Variants in CBLB observed in about 807,000 individuals in gnomAD.
CBLB encodes Cbl proto-oncogene B, also known as E3 ubiquitin-protein ligase CBL-B.
Under a neutral mutation model 104.9 loss-of-function variants are expected in CBLB, and 31 were observed. That is an observed-to-expected ratio of 0.30 (90% CI 0.22 to 0.40). The LOEUF is 0.40. Among genes scored for constraint, CBLB ranks in the 10% least tolerant of loss-of-function variants. The pLI is 1.00. For synonymous variants in CBLB, 440 were observed against 422.6 expected (o/e 1.04, Z -0.51); for missense variants, 1,062 against 1,214.6 (o/e 0.87, Z 1.87).
intron 9 of CBLB, chr3:105,723,952 T>C (rs985839351): frequency 6.4e-6 from 1 of 156,108 alleles, no homozygotes; most frequent in Non-Finnish European, 1.4e-5. Flanking sequence ...TTGGAGTGCA[T>C]TTTATATTTT....
intron 13 of CBLB, among the ~76,000 whole-genome samples, chr3:105,690,811 G>A (rs1397587616): frequency 7.1e-6 from 1 of 141,796 alleles, no homozygotes; most frequent in African/African-American, 2.6e-5. Context: ...GACAGAGTGA[G>A]ACTCCATCTC....
chr3:105,837,198 G>A (rs1192830926), intron 3 of CBLB, among the ~76,000 whole-genome samples: 4 of 152,194 alleles, frequency 2.6e-5, no homozygotes, highest in East Asian at 3.8e-4. Context: ...CATTGTGCAC[G>A]CGTATTAATG....
intron 4 of CBLB, among the ~76,000 whole-genome samples, chr3:105,767,277 C>A (rs2078326340): frequency 6.6e-6 from 1 of 151,798 alleles, no homozygotes; most frequent in African/African-American, 2.4e-5. Context: ...TTTTCTTTAC[C>A]TAGAGGGAAA....
chr3:105,803,091 CAT>C (rs2083086345), intron 3 of CBLB, among the ~76,000 whole-genome samples: 1 of 152,174 alleles, frequency 6.6e-6, no homozygotes, highest in Non-Finnish European at 1.5e-5. Context: ...AGCACTCATG[CAT>C]AGTCATTTTA....
At position 105,867,434 on chromosome 3, in the gene CBLB, C is replaced by G; in HGVS notation, c.144G>C (p.Lys48Asn). ...CCACTTTGTCCATGAGCTTCCAAGT[C>G]TTCTCCACGGTCCTGCGATCTGCGG... ...QAAADRRTVE[K>N]TWKLMDKVVR... Residue 48 changes from lysine to asparagine, a missense_variant, in exon 2 of 19, where the codon AAG becomes AAC. This residue lies in a region of CBLB where 457 missense variants were observed against 632.0 expected (regional missense o/e 0.72). Transcript: ENST00000394030. The G allele has an allele frequency of 3.7e-6, 6 of 1,614,190 alleles. No individual in the cohort carries two copies. The highest frequency in any genetic ancestry group is 5.1e-6 in the Non-Finnish European group (6 of 1,180,012).
At chr3:105,706,196 C>T (rs1051750344) in intron 10 of CBLB, among the ~76,000 whole-genome samples, 3 of 151,960 alleles carry the variant, frequency 2.0e-5, no homozygotes, top group African/African-American at 7.2e-5. Flanking sequence ...ACTATACCTC[C>T]GATATGCCTG....
rs367966052 is a variant in CBLB, at chr3:105,806,479, C to CAAAAAAAAAAAAAAAAAAAA, written c.420-29938_420-29937insTTTTTTTTTTTTTTTTTTTT. Among the ~76,000 whole-genome samples the CAAAAAAAAAAAAAAAAAAAA allele has an allele frequency of 3.2e-5, 4 of 125,058 alleles. 1 individual carries two copies. Among genetic ancestry groups the CAAAAAAAAAAAAAAAAAAAA allele is most frequent in the African/African-American group, 3.0e-5 (1 of 33,094 alleles). 82.0% of individuals were successfully genotyped at this position (125,058 alleles called of 152,430 possible). A position where few individuals can be genotyped will look rare whatever the true frequency, so the allele number is the denominator to read the frequency against. On this transcript the variant is annotated intron_variant, in intron 3 of 18. Transcript: ENST00000394030. The stretch of plus-strand genomic sequence containing the variant: ...GGTTTGTGACCTAATACTAAAACCT[C>CAAAAAAAAAAAAAAAAAAAA]AAAAAAAAAAAAAAAACAGAAATTG...
intron 10 of CBLB, among the ~76,000 whole-genome samples, chr3:105,718,974 C>A (rs2072355480): frequency 6.6e-6 from 1 of 152,188 alleles, no homozygotes; most frequent in South Asian, 2.1e-4. Context: ...ATTGACTAGT[C>A]TGTTGTGTAC....
intron 11 of CBLB, among the ~76,000 whole-genome samples, chr3:105,703,440 C>T (rs147625680): frequency 0.015 from 2,339 of 152,276 alleles, 32 homozygotes; most frequent in Middle Eastern, 0.027. Flanking sequence ...GTAGGTTTAA[C>T]TGTAGAGTAA....
intron 4 of CBLB, among the ~76,000 whole-genome samples, chr3:105,764,187 G>A (rs371017250): frequency 4.5e-4 from 68 of 152,262 alleles, no homozygotes; most frequent in African/African-American, 1.6e-3. Flanking sequence ...TTAAGACCAG[G>A]ACCTCTATAA....
chr3:105,849,978 A>G (rs968502661), intron 3 of CBLB, among the ~76,000 whole-genome samples: 3 of 152,132 alleles, frequency 2.0e-5, no homozygotes, highest in African/African-American at 2.4e-5. Context: ...AACAATCACT[A>G]TAATATTTCT....
chr3:105,690,984 G>T (rs932305670), intron 13 of CBLB, among the ~76,000 whole-genome samples: 1 of 152,104 alleles, frequency 6.6e-6, no homozygotes, highest in Non-Finnish European at 1.5e-5. Context: ...GTTAAGAAAG[G>T]AGGGCATAAA....
chr3:105,664,812 C>T (rs2152681839), intron 18 of CBLB, among the ~76,000 whole-genome samples: 1 of 152,228 alleles, frequency 6.6e-6, no homozygotes, highest in Non-Finnish European at 1.5e-5. Flanking sequence ...ATTTCTAGTA[C>T]AGTTTTACTA....
intron 3 of CBLB, among the ~76,000 whole-genome samples, chr3:105,851,359 C>A (rs1416936680): frequency 6.6e-6 from 1 of 150,876 alleles, no homozygotes; most frequent in African/African-American, 2.4e-5. Flanking sequence ...AAAAGATCAG[C>A]GGTTGCCATG....
intron 9 of CBLB, among the ~76,000 whole-genome samples, chr3:105,731,221 T>TA (rs1430993635): frequency 4.6e-5 from 7 of 152,234 alleles, no homozygotes; most frequent in Non-Finnish European, 8.8e-5. Context: ...GAAATGTTCC[T>TA]ATGCCTTTTG....
chr3:105,678,320 T>C (rs373561942), intron 17 of CBLB, 111 bp downstream of exon 17: 1 of 1,076,084 alleles, frequency 9.3e-7, no homozygotes. Flanking sequence ...GGGATTTTTC[T>C]GTTCTGCTAG....
intron 3 of CBLB, among the ~76,000 whole-genome samples, chr3:105,826,811 T>C (rs2086646870): frequency 6.6e-6 from 1 of 152,136 alleles, no homozygotes; most frequent in South Asian, 2.1e-4. Flanking sequence ...GGGGATGTGG[T>C]ATTAGAGGAT....
At chr3:105,742,610 T>C (rs779091398) in intron 6 of CBLB, among the ~76,000 whole-genome samples, 18 of 151,758 alleles carry the variant, frequency 1.2e-4, no homozygotes, top group East Asian at 3.9e-4. Context: ...CCAAAAATAA[T>C]AGAAAGTCAC....
In CBLB at chr3:105,720,052, G is replaced by C. The variant is rs535219619; in HGVS notation, c.1402C>G (p.Arg468Gly). 9 of 1,611,834 alleles carry C rather than the reference G, an allele frequency of 5.6e-6. No homozygotes were observed. Among genetic ancestry groups the C allele is most frequent in the Non-Finnish European group, 7.6e-6 (9 of 1,178,292 alleles). Residue 468 changes from arginine to glycine, a missense_variant, in exon 10 of 19, where the codon CGA (arginine) becomes GGA (glycine). Transcript: ENST00000394030. ...SLMMNRLANVRKCTDRQNSPV... is the reference protein window; with the variant it reads ...SLMMNRLANVGKCTDRQNSPV... The stretch of plus-strand genomic sequence containing the variant: ...ACCCATGTTTCTAGTTTTACCTTTC[G>C]GACGTTTGCCAACCGATTCATCATC...
Sources: allele counts gnomAD v4.1 joint callset (sites outside exome capture counted in the v4.1 genomes callset), GRCh38; gene constraint gnomAD v4.1.1; regional missense constraint gnomAD v4.1.1; transcripts MANE v1.5; gene names NCBI Gene and HGNC (gene_info 2026-07-23, HGNC 2026-07-21).